The following NEGR1 variants were observed in gnomAD, a reference collection of about 807,000 sequenced individuals.
The protein encoded by NEGR1 is neuronal growth regulator 1, also known as IgLON family member 4.
A neutral mutation model predicts 40.9 loss-of-function variants in NEGR1; 10 were observed. The ratio of observed to expected loss-of-function variants is 0.24; its 90% CI spans 0.15 to 0.42. The LOEUF (loss-of-function observed/expected upper bound fraction) is 0.42, where lower values mean the gene tolerates loss of function less well. Ranked by LOEUF, NEGR1 falls within the 10% of genes least tolerant of loss-of-function variation. The probability of loss-of-function intolerance (pLI) is 1.00; values close to 1 mark genes in which losing one functional copy is unlikely to be tolerated. For missense variants in NEGR1, 352 were observed against 438.9 expected, an observed-to-expected ratio of 0.80 and a Z score of 1.77; for synonymous variants, 185 against 166.8, an observed-to-expected ratio of 1.11 and a Z score of -0.84.
rs181567950 is a variant in NEGR1, at chr1:71,780,179, T to C, written c.410-3882A>G. The stretch of plus-strand genomic sequence containing the variant: ...CATCCTTTTCTAAATACTTAATTTA[T>C]GCAAAAAGGAGCAGATGTATTTAAT... On this transcript the variant is annotated intron_variant, in intron 2 of 6. Coordinates refer to ENST00000357731, the MANE Select transcript of NEGR1 (RefSeq NM_173808.3). Among the ~76,000 whole-genome samples, 221 of 152,170 alleles carry C rather than the reference T, an allele frequency of 1.5e-3. 2 individuals carry two copies. The highest frequency in any genetic ancestry group is 8.8e-4 in the Non-Finnish European group (60 of 68,000).
chr1:71,503,633 C>T (rs181680350), intron 6 of NEGR1, among the ~76,000 whole-genome samples: 4 of 152,144 alleles, frequency 2.6e-5, no homozygotes, highest in Non-Finnish European at 5.9e-5. Flanking sequence ...AGGGAAGTTC[C>T]CATAGACAGG....
intron 3 of NEGR1, among the ~76,000 whole-genome samples, chr1:71,708,496 A>C (rs186090086): frequency 1.3e-3 from 204 of 152,250 alleles, no homozygotes; most frequent in African/African-American, 4.7e-3. Context: ...AAATAGAAAA[A>C]CAAATCTAAA....
At chr1:71,833,688 A>G (rs1658917345) in intron 2 of NEGR1, among the ~76,000 whole-genome samples, 1 of 151,990 alleles carries the variant, frequency 6.6e-6, no homozygotes, top group African/African-American at 2.4e-5. Context: ...ACTAGACCTG[A>G]TGTTGCAAAC....
intron 1 of NEGR1, among the ~76,000 whole-genome samples, chr1:72,261,165 C>A (rs995209724): frequency 2.2e-4 from 33 of 152,110 alleles, no homozygotes; most frequent in African/African-American, 7.7e-4. Flanking sequence ...AATAACCTGA[C>A]ATTAAGTTGG....
intron 1 of NEGR1, among the ~76,000 whole-genome samples, chr1:72,212,853 G>A (rs1022847480): frequency 6.6e-6 from 1 of 151,774 alleles, no homozygotes; most frequent in Non-Finnish European, 1.5e-5. Flanking sequence ...ATAAGTTGAT[G>A]TAAAAATGCA....
chr1:72,065,335 C>T (rs1372941875), intron 1 of NEGR1, among the ~76,000 whole-genome samples: 1 of 152,004 alleles, frequency 6.6e-6, no homozygotes, highest in Admixed American at 6.6e-5. Context: ...CTCTACTGCC[C>T]TCATAATTTA....
At chr1:71,812,593 A>T (rs1658042105) in intron 2 of NEGR1, among the ~76,000 whole-genome samples, 1 of 152,040 alleles carries the variant, frequency 6.6e-6, no homozygotes, top group African/African-American at 2.4e-5. Context: ...CACCATTCTG[A>T]CTGGTGTGAG....
chr1:72,113,435 C>T (rs1435713314), intron 1 of NEGR1, among the ~76,000 whole-genome samples: 2 of 144,270 alleles, frequency 1.4e-5, no homozygotes, highest in East Asian at 4.1e-4. Context: ...AGCTTTTATA[C>T]AAAAAAAAAA....
intron 1 of NEGR1, among the ~76,000 whole-genome samples, chr1:72,234,175 C>T (rs1296977029): frequency 6.6e-6 from 1 of 152,042 alleles, no homozygotes; most frequent in Non-Finnish European, 1.5e-5. Context: ...GTGTTGTTCT[C>T]CTCCATGCGT....
chr1:71,433,070 A>G (rs1251884414), intron 6 of NEGR1, among the ~76,000 whole-genome samples: 2 of 152,238 alleles, frequency 1.3e-5, no homozygotes, highest in Admixed American at 6.5e-5. Flanking sequence ...CAAAGAGATT[A>G]ACGAGTTATA....
chr1:71,859,840 A>T (rs1389623243), intron 2 of NEGR1, among the ~76,000 whole-genome samples: 1 of 152,096 alleles, frequency 6.6e-6, no homozygotes, highest in East Asian at 1.9e-4. Context: ...ATTGTTCAGT[A>T]AAAGCTTTTT....
chr1:71,784,840 A>G (rs1656853385), intron 2 of NEGR1, among the ~76,000 whole-genome samples: 1 of 152,206 alleles, frequency 6.6e-6, no homozygotes, highest in African/African-American at 2.4e-5. Context: ...TGATAAAATG[A>G]GCTTTTAAAA....
chr1:71,769,996 A>C (rs1305417541), intron 3 of NEGR1, among the ~76,000 whole-genome samples: 1 of 152,224 alleles, frequency 6.6e-6, no homozygotes, highest in East Asian at 1.9e-4. Flanking sequence ...GATAAGAGGA[A>C]GATCTGGATC....
At chr1:71,786,949 C>A (rs955855311) in intron 2 of NEGR1, among the ~76,000 whole-genome samples, 1 of 152,214 alleles carries the variant, frequency 6.6e-6, no homozygotes, top group South Asian at 2.1e-4. Flanking sequence ...GGTGTCACCA[C>A]CTCGGGGCTA....
At chr1:71,995,406 T>C (rs570282369) in intron 1 of NEGR1, among the ~76,000 whole-genome samples, 1 of 152,156 alleles carries the variant, frequency 6.6e-6, no homozygotes, top group African/African-American at 2.4e-5. Context: ...TACACATGTA[T>C]AGGGAGCCAC....
chr1:71,453,773 G>A (rs1646650554), intron 6 of NEGR1, among the ~76,000 whole-genome samples: 1 of 152,102 alleles, frequency 6.6e-6, no homozygotes, highest in Non-Finnish European at 1.5e-5. Flanking sequence ...AACTCCCAGG[G>A]AAATGAAAAG....
chr1:71,899,562 C>T (rs1195530712), intron 2 of NEGR1, among the ~76,000 whole-genome samples: 1 of 152,110 alleles, frequency 6.6e-6, no homozygotes, highest in Non-Finnish European at 1.5e-5. Flanking sequence ...AAAAGTTACA[C>T]AGTAGCATTT....
rs1425056563 is a variant in NEGR1, at chr1:71,588,250, G to GA, written c.940+4566dup. On this transcript the variant is annotated intron_variant, in intron 6 of 6. Transcript: ENST00000357731. ...ATGTTCAGGAAGCAAAAAACGCACT[G>GA]AAAAATAACAATAAAATAACAAATA... Among the ~76,000 whole-genome samples the GA allele has an allele frequency of 2.6e-5, 4 of 152,074 alleles. No individual in the cohort carries two copies. The East Asian group carries it at 5.8e-4, about 22-fold the overall frequency.
In NEGR1 at chr1:71,405,495, T is replaced by C. The variant is rs1646273022; in HGVS notation, c.*1951A>G. On this transcript the variant is annotated 3_prime_UTR_variant, in exon 7 of 7. Transcript: ENST00000357731. ...AAATAAATAATAAAGTTAAATGCCA[T>C]ATTTGTTCTAAAAACTCTTTTTTAA... 1 of 152,180 alleles carries C rather than the reference T, an allele frequency of 6.6e-6. No homozygotes were observed. The highest frequency in any genetic ancestry group is 2.4e-5 in the African/African-American group (1 of 41,340). The allele number at this position is 152,180 out of a possible 1,614,324, so 9.4% of individuals were successfully genotyped here.
Sources: allele counts gnomAD v4.1 joint callset (sites outside exome capture counted in the v4.1 genomes callset), GRCh38; gene constraint gnomAD v4.1.1; transcripts MANE v1.5; gene names NCBI Gene and HGNC (gene_info 2026-07-23, HGNC 2026-07-21).